Variants in PSG8 observed in about 807,000 individuals in gnomAD.
PSG8 encodes pregnancy specific beta-1-glycoprotein 8, also known as pregnancy-specific beta-1-glycoprotein 8.
Under a neutral mutation model 42.5 loss-of-function variants are expected in PSG8, and 57 were observed. The observed-to-expected ratio is 1.34, with a 90% CI of 1.08 to 1.67. The LOEUF (loss-of-function observed/expected upper bound fraction) is 1.67, where lower values mean the gene tolerates loss of function less well. Among genes scored for constraint, PSG8 ranks in the 40% most tolerant of loss-of-function variants. PSG8 has a pLI of 0.00. For missense variants in PSG8, 783 were observed against 518.6 expected (o/e 1.51, Z -4.95); for synonymous variants, 280 against 196.8 (o/e 1.42, Z -3.54).
Position 42,758,251 on chromosome 19 carries a change from T to A in PSG8, c.460A>T (p.Ser154Cys). The A allele has an allele frequency of 1.2e-6, 2 of 1,613,996 alleles. No homozygotes were observed. The highest frequency in any genetic ancestry group is 1.7e-6 in the Non-Finnish European group (2 of 1,179,940). Residue 154 changes from serine (S) to cysteine (C), a missense_variant, in exon 3 of 5, where the codon AGC (serine) becomes TGC (cysteine). Ser to Cys is a moderately radical substitution (Grantham distance 112). Coordinates refer to ENST00000306511, the MANE Select transcript of PSG8 (RefSeq NM_182707.3). ...ATGGCCTCCCTGGGGTTTAATTTGC[T>A]GCTGGAGATGGAGGGCTTGGGAGTC... ...LETPKPSISSSKLNPREAMEA... is the reference protein window; with the variant it reads ...LETPKPSISSCKLNPREAMEA...
intron 1 of PSG8, 72 bp downstream of exon 1, chr19:42,765,446 T>C: frequency 6.3e-7 from 1 of 1,591,964 alleles, no homozygotes; most frequent in Non-Finnish European, 8.6e-7. Flanking sequence ...TAGTACCCCA[T>C]ACTCTCAAGG....
At chr19:42,758,358 C>G in intron 2 of PSG8, 78 bp from the exon 3 acceptor site, 6 of 1,559,060 alleles carry the variant, frequency 3.8e-6, no homozygotes, top group Non-Finnish European at 5.2e-6. Flanking sequence ...TCAGAGTTGG[C>G]ATTTCCCACC....
rs1383813300 is a variant in PSG8, at chr19:42,754,244, G to T, written c.*51C>A. ...TGCTTGTGCCCATGGGACGCAGGCT[G>T]GGAATAAAAATGTTTTCCTGACTCT... On this transcript the variant is annotated 3_prime_UTR_variant, in exon 5 of 5. Coordinates refer to ENST00000306511, the MANE Select transcript of PSG8 (RefSeq NM_182707.3). 33 of 1,598,414 alleles carry T rather than the reference G, an allele frequency of 2.1e-5. No homozygotes were observed. Among genetic ancestry groups the T allele is most frequent in the Non-Finnish European group, 2.8e-5 (33 of 1,172,570 alleles).
downstream of PSG8, chr19:42,752,803 C>G (rs1013972689): frequency 1.7e-5 from 3 of 181,508 alleles, no homozygotes; most frequent in African/African-American, 2.4e-5. Context: ...TTAAAGGGGA[C>G]TCTATTATAA....
intron 2 of PSG8, among the ~76,000 whole-genome samples, chr19:42,762,955 T>C: frequency 6.6e-6 from 1 of 152,092 alleles, no homozygotes; most frequent in East Asian, 1.9e-4. Context: ...ATCTCCCCTT[T>C]GTGATTGTGT....
intron 2 of PSG8, 132 bp downstream of exon 2, chr19:42,763,784 A>T: frequency 6.5e-7 from 1 of 1,534,278 alleles, no homozygotes; most frequent in Non-Finnish European, 9.0e-7. Context: ...TCCTGCACTA[A>T]ATGCCCAAAC....
In PSG8 at chr19:42,758,138, G is replaced by C. The variant is rs1368241270; in HGVS notation, c.573C>G (p.His191Gln). 2 of 1,613,914 alleles carry C rather than the reference G, an allele frequency of 1.2e-6. No homozygotes were observed. The highest frequency in any genetic ancestry group is 1.3e-5 in the African/African-American group (1 of 74,890). ...WMNGQSLPMS[H>Q]RLQLSETNRT... ...TGTTGGTTTCAGACAACTGCAACCTGTGAGACATAGGGAGGCTCTGACCAT... is the reference window on the plus strand; with the variant it reads ...TGTTGGTTTCAGACAACTGCAACCTCTGAGACATAGGGAGGCTCTGACCAT... The change falls in exon 3 of 5, where the codon CAC becomes CAG. Residue 191 changes from histidine (H) to glutamine (Q), a missense_variant. Physicochemically the swap from His to Gln is conservative, Grantham distance 24. Coordinates refer to ENST00000306511, the MANE Select transcript of PSG8 (RefSeq NM_182707.3).
At chr19:42,762,048 G>T (rs1452062815) in intron 2 of PSG8, among the ~76,000 whole-genome samples, 1 of 151,784 alleles carries the variant, frequency 6.6e-6, no homozygotes, top group Non-Finnish European at 1.5e-5. Context: ...GCAACTCCAG[G>T]TGATTTCTGC....
chr19:42,756,830 C>A (rs1312301121), intron 3 of PSG8, among the ~76,000 whole-genome samples: 1 of 151,696 alleles, frequency 6.6e-6, no homozygotes, highest in African/African-American at 2.4e-5. Context: ...TTAATAAGAG[C>A]CTGTCAGGTG....
rs1970193154 is a variant in PSG8 at position 42,765,445 on chromosome 19, A to G, written c.64+73T>C. 3 of 1,590,306 alleles carry G rather than the reference A, an allele frequency of 1.9e-6. No individual in the cohort carries two copies. In the African/African-American group the frequency reaches 4.1e-5, roughly 22 times the overall value. Reference sequence around the variant, plus strand: ...GGCTTCTTTCATTTTTTAGTACCCCATACTCTCAAGGAGACCCCATCCAGT... The same window carrying G: ...GGCTTCTTTCATTTTTTAGTACCCCGTACTCTCAAGGAGACCCCATCCAGT... On this transcript the variant is annotated intron_variant, in intron 1 of 4. Coordinates refer to ENST00000306511, the MANE Select transcript of PSG8 (RefSeq NM_182707.3).
chr19:42,754,237 G>A lies in PSG8; in HGVS notation c.*58C>T, dbSNP rs184774147. 7,397 of 1,591,944 alleles carry A rather than the reference G, an allele frequency of 4.6e-3. 82 individuals are homozygous for A. Among genetic ancestry groups the A allele is most frequent in the Middle Eastern group, 0.021 (93 of 4,380 alleles). ...TGGGATTTGCTTGTGCCCATGGGAC[G>A]CAGGCTGGGAATAAAAATGTTTTCC... On this transcript the variant is annotated 3_prime_UTR_variant, in exon 5 of 5. Coordinates refer to ENST00000306511, the MANE Select transcript of PSG8 (RefSeq NM_182707.3).
chr19:42,760,588 AT>A (rs527717039), intron 2 of PSG8, among the ~76,000 whole-genome samples: 14 of 147,770 alleles, frequency 9.5e-5, no homozygotes, highest in South Asian at 2.2e-4. Context: ...CTCTAACAGC[AT>A]TTTTTTTTTC....
In PSG8 at chr19:42,764,255, G is replaced by T; in HGVS notation, c.91C>A (p.Pro31Thr). Residue 31 changes from proline to threonine, a missense_variant, in exon 2 of 5, where the codon CCC becomes ACC. Physicochemically the swap from Pro to Thr is conservative, Grantham distance 38. Transcript: ENST00000306511. ...TCAATCGTGACTTGGGCAGTCGTGG[G>T]TGGGTTCCAGAAGTTTAAAAGTGAT... is the stretch of plus-strand genomic sequence containing the variant. ...TASLLNFWNP[P>T]TTAQVTIEAQ... The T allele has an allele frequency of 6.2e-7, 1 of 1,613,578 alleles. No homozygotes were observed. The highest frequency in any genetic ancestry group is 1.3e-5 in the African/African-American group (1 of 74,960).
intron 3 of PSG8, among the ~76,000 whole-genome samples, chr19:42,756,670 G>C (rs1373851129): frequency 6.6e-6 from 1 of 152,000 alleles, no homozygotes; most frequent in African/African-American, 2.4e-5. Context: ...AGTTTTCGGT[G>C]AATTCCATAC....
intron 1 of PSG8, among the ~76,000 whole-genome samples, chr19:42,764,487 C>A (rs1245126770): frequency 6.6e-6 from 1 of 151,822 alleles, no homozygotes; most frequent in African/African-American, 2.4e-5. Flanking sequence ...CCTACTAGGT[C>A]AAGGTCAGCC....
chr19:42,755,370 G>A, intron 3 of PSG8, 104 bp from the exon 4 acceptor site: 2 of 1,550,156 alleles, frequency 1.3e-6, no homozygotes, highest in Middle Eastern at 2.4e-4. Context: ...GCCCACCCGA[G>A]TCCTTGAAAG....
intron 2 of PSG8, among the ~76,000 whole-genome samples, chr19:42,760,700 A>G (rs906415707): frequency 2.0e-5 from 3 of 151,974 alleles, no homozygotes; most frequent in Admixed American, 1.3e-4. Flanking sequence ...CTCCTGCCTC[A>G]GCCTCCCAAG....
rs554931644 is a variant in PSG8, at chr19:42,761,952, G to A, written c.430+1964C>T. Reference sequence around the variant, plus strand: ...TGTCCACAGGTCAGCCTCACAAAGGGAAAGAGCCCTGGATGGGAATACAGT... The same window carrying A: ...TGTCCACAGGTCAGCCTCACAAAGGAAAAGAGCCCTGGATGGGAATACAGT... On this transcript the variant is annotated intron_variant, in intron 2 of 4. Transcript: ENST00000306511. Among the ~76,000 whole-genome samples the A allele has an allele frequency of 3.1e-3, 461 of 147,102 alleles. 2 individuals are homozygous for A. Among genetic ancestry groups the A allele is most frequent in the Middle Eastern group, 7.5e-3 (2 of 268 alleles).
chr19:42,756,331 G>A (rs1969925528), intron 3 of PSG8, among the ~76,000 whole-genome samples: 1 of 152,162 alleles, frequency 6.6e-6, no homozygotes, highest in South Asian at 2.1e-4. Context: ...ATCAGAAGTT[G>A]TTCATGGGTG....
Sources: gnomAD v4.1 joint callset for allele counts (sites outside exome capture counted in the v4.1 genomes callset) on GRCh38, gnomAD v4.1.1 for gene constraint, MANE v1.5 for transcripts, NCBI Gene and HGNC (gene_info 2026-07-23, HGNC 2026-07-21) for gene names.